Variants in RHOT1 observed in about 807,000 individuals in gnomAD.
RHOT1 encodes the protein mitochondrial Rho GTPase 1.
A neutral mutation model predicts 95.3 loss-of-function variants in RHOT1; 27 were observed. That is an observed-to-expected ratio of 0.28 (90% confidence interval 0.21 to 0.39). The LOEUF is 0.39. Among genes scored for constraint, RHOT1 ranks in the 10% least tolerant of loss-of-function variants. The probability of loss-of-function intolerance (pLI) is 1.00; values close to 1 mark genes in which losing one functional copy is unlikely to be tolerated. For missense variants in RHOT1, 578 were observed against 786.7 expected, an observed-to-expected ratio of 0.73 and a Z score of 3.17; for synonymous variants, 227 against 263.5, an observed-to-expected ratio of 0.86 and a Z score of 1.34.
Position 32,195,324 on chromosome 17 carries a change from G to A in RHOT1, c.869+1217G>A, listed in dbSNP as rs557764773. 2.0e-4 allele frequency among the ~76,000 whole-genome samples: 31 copies of A among 151,838 alleles called. No individual in the cohort carries two copies. In the East Asian group the frequency reaches 5.2e-3, roughly 26 times the overall value. The stretch of plus-strand genomic sequence containing the variant: ...AAAAGCGGTCTCACTATATTTCCTA[G>A]GCTGATCTTGAACTCCTGGCCTCAA... On this transcript the variant is annotated intron_variant, in intron 11 of 19. Transcript: ENST00000545287.
At chr17:32,179,550 G>T (rs2035397060) in intron 6 of RHOT1, 1 of 132,748 alleles carries the variant, frequency 7.5e-6, no homozygotes, top group African/African-American at 3.0e-5. Context: ...GAGCGCCTCT[G>T]CCCGGCCGCC....
intron 6 of RHOT1, among the ~76,000 whole-genome samples, chr17:32,176,542 TTTTATTTATTTA>T (rs368484694): frequency 0.04 from 5,659 of 140,628 alleles, 156 homozygotes; most frequent in Middle Eastern, 0.071. Flanking sequence ...AAAGTCTCAG[TTTTATTTATTTA>T]TTTATTTATT....
At chr17:32,148,552 G>C (rs1310614272) in intron 1 of RHOT1, among the ~76,000 whole-genome samples, 2 of 152,176 alleles carry the variant, frequency 1.3e-5, no homozygotes, top group African/African-American at 2.4e-5. Flanking sequence ...TGTTCTGCAG[G>C]CCACATCATC....
intron 16 of RHOT1, among the ~76,000 whole-genome samples, chr17:32,204,263 T>G (rs2037539013): frequency 6.6e-6 from 1 of 152,088 alleles, no homozygotes; most frequent in Admixed American, 6.5e-5. Flanking sequence ...GAATTTTAAG[T>G]CTTTTGGCTA....
At chr17:32,144,064 T>C (rs955906080) in intron 1 of RHOT1, among the ~76,000 whole-genome samples, 1 of 152,254 alleles carries the variant, frequency 6.6e-6, no homozygotes, top group Non-Finnish European at 1.5e-5. Context: ...TCTGTATTTT[T>C]CATGGACTTC....
At chr17:32,176,928 CT>C (rs1414834168) in intron 6 of RHOT1, among the ~76,000 whole-genome samples, 1 of 152,046 alleles carries the variant, frequency 6.6e-6, no homozygotes, top group Non-Finnish European at 1.5e-5. Context: ...ACATTTAGTC[CT>C]TTTCTCAATT....
chr17:32,176,911 A>G (rs1006715128), intron 6 of RHOT1, among the ~76,000 whole-genome samples: 5 of 152,120 alleles, frequency 3.3e-5, no homozygotes, highest in Non-Finnish European at 5.9e-5. Flanking sequence ...ATATCTATAT[A>G]TTGTACACAT....
intron 1 of RHOT1, 158 bp downstream of exon 1, chr17:32,142,887 A>T: frequency 1.3e-6 from 1 of 763,834 alleles, no homozygotes; most frequent in Non-Finnish European, 2.3e-6. Context: ...TAGGCCTTCC[A>T]GCCCCTTCAC....
intron 18 of RHOT1, among the ~76,000 whole-genome samples, chr17:32,210,417 A>T (rs961588983): frequency 6.6e-6 from 1 of 152,188 alleles, no homozygotes; most frequent in African/African-American, 2.4e-5. Flanking sequence ...ATCTGATTTC[A>T]ATTGGATCCA....
intron 16 of RHOT1, among the ~76,000 whole-genome samples, chr17:32,204,721 C>T (rs1290827030): frequency 6.6e-6 from 1 of 151,778 alleles, no homozygotes; most frequent in Non-Finnish European, 1.5e-5. Context: ...GGCATGGTGG[C>T]TCACGCCTGT....
intron 16 of RHOT1, among the ~76,000 whole-genome samples, chr17:32,204,276 C>T (rs1388503067): frequency 1.3e-5 from 2 of 151,996 alleles, no homozygotes; most frequent in African/African-American, 2.4e-5. Flanking sequence ...TTTGGCTAGG[C>T]GTGGTGGCTC....
At chr17:32,161,865 G>C (rs1381618023) in intron 1 of RHOT1, among the ~76,000 whole-genome samples, 5 of 152,124 alleles carry the variant, frequency 3.3e-5, no homozygotes, top group Admixed American at 2.6e-4. Flanking sequence ...CACAAAACTC[G>C]GGAAAGTGCT....
In RHOT1 at chr17:32,168,898, C is replaced by A. The variant is rs543794979; in HGVS notation, c.38-2145C>A. 1.1e-3 allele frequency among the ~76,000 whole-genome samples: 164 copies of A among 152,146 alleles called. 1 individual carries two copies. Among genetic ancestry groups the A allele is most frequent in the African/African-American group, 3.9e-3 (161 of 41,518 alleles). On this transcript the variant is annotated intron_variant, in intron 1 of 19. Transcript: ENST00000545287. ...TTTTCTGGGGAGCTGAATAAACTGA[C>A]ATTGTTAACTAGATTCTAGCAGTTC...
At chr17:32,189,651 ACCTT>A (rs2036322587) in intron 8 of RHOT1, among the ~76,000 whole-genome samples, 1 of 151,840 alleles carries the variant, frequency 6.6e-6, no homozygotes, top group South Asian at 2.1e-4. Context: ...TTTAAACTAT[ACCTT>A]GTTTTACACA....
chr17:32,223,887 T>C lies in RHOT1; in HGVS notation c.1863-729T>C, dbSNP rs1038931035. Among the ~76,000 whole-genome samples, 19 of 152,348 alleles carry C rather than the reference T, an allele frequency of 1.2e-4. 1 individual carries two copies. The highest frequency in any genetic ancestry group is 6.8e-3 in the Middle Eastern group (2 of 294). On this transcript the variant is annotated intron_variant, in intron 19 of 19. Coordinates refer to ENST00000545287, the MANE Select transcript of RHOT1 (RefSeq NM_001033566.3). The stretch of plus-strand genomic sequence containing the variant: ...CTGAGCATGCTCACAACTCAGTTTG[T>C]GGTACAGGCTGTCCCTGTTCTTGTC...
At chr17:32,175,489 T>TC (rs2034922678) in intron 4 of RHOT1, 127 bp downstream of exon 4, 1 of 924,682 alleles carries the variant, frequency 1.1e-6, no homozygotes. Flanking sequence ...TTTCACTCTG[T>TC]CACCCACTCT....
Position 32,206,974 on chromosome 17 carries a change from T to G in RHOT1, c.1481T>G (p.Leu494Arg). The G allele has an allele frequency of 6.2e-7, 1 of 1,612,424 alleles. No homozygotes were observed. The highest frequency in any genetic ancestry group is 8.5e-7 in the Non-Finnish European group (1 of 1,178,800). ...GAAATCATTTGTGATGTTGTATGCC[T>G]GGTATATGATGTCAGCAATCCCAAA... ...EAEIICDVVC[L>R]VYDVSNPKSF... is the part of the protein sequence containing the mutation. The change falls in exon 17 of 20, where the codon CTG becomes CGG. Residue 494 changes from leucine (L) to arginine (R), a missense_variant. Coordinates refer to ENST00000545287, the MANE Select transcript of RHOT1 (RefSeq NM_001033566.3).
At chr17:32,195,494 G>C (rs149296398) in intron 11 of RHOT1, among the ~76,000 whole-genome samples, 1 of 152,198 alleles carries the variant, frequency 6.6e-6, no homozygotes, top group African/African-American at 2.4e-5. Flanking sequence ...ACAAGAGACC[G>C]CCTTGTTGCA....
Position 32,203,924 on chromosome 17 carries a change from A to G in RHOT1, c.1367A>G (p.Tyr456Cys), listed in dbSNP as rs1567716424. 5 of 1,613,108 alleles carry G rather than the reference A, an allele frequency of 3.1e-6. No homozygotes were observed. The highest frequency in any genetic ancestry group is 1.1e-5 in the South Asian group (1 of 90,886). ...QKKIREDHKS[Y>C]YAINTVYVYG... The stretch of plus-strand genomic sequence containing the variant: ...AAAATTCGTGAAGATCATAAATCCT[A>G]CTATGCGATTAACACTGTTTATGTA... The change falls in exon 16 of 20, where the codon TAC becomes TGC. Residue 456 changes from tyrosine to cysteine, a missense_variant. Tyr to Cys is a radical substitution (Grantham distance 194). Transcript: ENST00000545287.
Sources: allele counts gnomAD v4.1 joint callset (sites outside exome capture counted in the v4.1 genomes callset), GRCh38; gene constraint gnomAD v4.1.1; transcripts MANE v1.5; gene names NCBI Gene and HGNC (gene_info 2026-07-23, HGNC 2026-07-21).